SCML4: variants seen among roughly 807,000 people sequenced by gnomAD.
SCML4 encodes the protein Scm polycomb group protein like 4, also known as sex comb on midleg-like protein 4.
Under a neutral mutation model 41.1 loss-of-function variants are expected in SCML4, and 34 were observed. The observed-to-expected ratio is 0.83, with a 90% CI of 0.63 to 1.10. The LOEUF is 1.10. Ranked by LOEUF, SCML4 falls within the 50% of genes least tolerant of loss-of-function variation. The pLI is 0.00. For missense variants in SCML4, 522 were observed against 534.1 expected, an observed-to-expected ratio of 0.98 and a Z score of 0.22; for synonymous variants, 214 against 220.9, an observed-to-expected ratio of 0.97 and a Z score of 0.28.
At chr6:107,732,237 G>A (rs1776636048) in intron 5 of SCML4, 1 of 152,216 alleles carries the variant, frequency 6.6e-6, no homozygotes, top group South Asian at 2.1e-4. Flanking sequence ...TTCCCTTAGG[G>A]CCCTCTGTGG....
At chr6:107,774,023 T>C (rs1277105243) in intron 1 of SCML4, among the ~76,000 whole-genome samples, 1 of 152,268 alleles carries the variant, frequency 6.6e-6, no homozygotes, top group Non-Finnish European at 1.5e-5. Flanking sequence ...ATTTTCTGAA[T>C]ATGAGCAGTA....
intron 1 of SCML4, among the ~76,000 whole-genome samples, chr6:107,792,015 A>C (rs1782368291): frequency 6.6e-6 from 1 of 152,236 alleles, no homozygotes; most frequent in Non-Finnish European, 1.5e-5. Context: ...AACTAGATTT[A>C]CTTTGGGGGA....
At chr6:107,806,186 T>TCCCCC in intron 1 of SCML4, among the ~76,000 whole-genome samples, 1 of 28,986 alleles carries the variant, frequency 3.4e-5, no homozygotes, top group African/African-American at 4.6e-5. Flanking sequence ...AACAGAGATT[T>TCCCCC]CCCCCCCCCC....
chr6:107,719,269 C>T (rs373577067), intron 6 of SCML4: 62 of 152,542 alleles, frequency 4.1e-4, no homozygotes, highest in South Asian at 1.7e-3. Context: ...CCCCTCAGAA[C>T]GCCTCTCCGG....
At chr6:107,831,478 C>A in the SCML4 span, among the ~76,000 whole-genome samples, 2 of 147,344 alleles carry the variant, frequency 1.4e-5, no homozygotes, top group Non-Finnish European at 3.0e-5. Context: ...ATCAGTTCAT[C>A]TTAAGGACAG....
chr6:107,827,354 A>AT (rs1364920750), upstream of SCML4, among the ~76,000 whole-genome samples: 1 of 146,804 alleles, frequency 6.8e-6, no homozygotes, highest in African/African-American at 2.5e-5. Context: ...TTTTACTTAA[A>AT]TTTTTTTATT....
chr6:107,716,026 C>T (rs1774753269), intron 6 of SCML4, among the ~76,000 whole-genome samples: 1 of 152,140 alleles, frequency 6.6e-6, no homozygotes, highest in South Asian at 2.1e-4. Context: ...CCACAGCAGG[C>T]ACTAGGCTGA....
chr6:107,766,766 C>G (rs888870172), intron 2 of SCML4, among the ~76,000 whole-genome samples: 1 of 152,176 alleles, frequency 6.6e-6, no homozygotes, highest in Admixed American at 6.5e-5. Context: ...GGGATACAGT[C>G]CCTACCCTAG....
At chr6:107,780,308 T>A (rs1324387094) in intron 1 of SCML4, among the ~76,000 whole-genome samples, 4 of 152,246 alleles carry the variant, frequency 2.6e-5, no homozygotes, top group Non-Finnish European at 4.4e-5. Context: ...ACACATTTTT[T>A]TCCAATTCTG....
At position 107,772,235 on chromosome 6, in the gene SCML4, A is replaced by G. The variant is rs1780581089; in HGVS notation, c.93T>C (p.Ala31=). 1 of 1,551,570 alleles carries G rather than the reference A, an allele frequency of 6.4e-7. No homozygotes were observed. Among genetic ancestry groups the G allele is most frequent in the African/African-American group, 1.4e-5 (1 of 73,050 alleles). The part of the protein sequence containing the change: ...MKMAVHNLYS[A]SAGSLPAVKI... The stretch of plus-strand genomic sequence containing the variant: ...TCACTGCTGGTAAAGAGCCAGCTGA[A>G]GCAGAATAAAGGTTATGAACTGCCA... The change falls in exon 2 of 8, where the codon GCT becomes GCC. Residue 31 remains alanine, a synonymous_variant. Coordinates refer to ENST00000369020, the MANE Select transcript of SCML4 (RefSeq NM_198081.5).
chr6:107,824,287 G>C lies in SCML4; in HGVS notation c.-221C>G, dbSNP rs1446928137. Reference sequence around the variant, plus strand: ...TAGTCTCCAGCAGCCCTGCGCTCCAGCTGCAAACATCTCATTAGACTAATG... The same window carrying C: ...TAGTCTCCAGCAGCCCTGCGCTCCACCTGCAAACATCTCATTAGACTAATG... On this transcript the variant is annotated 5_prime_UTR_variant, in exon 1 of 8. Coordinates refer to ENST00000369020, the MANE Select transcript of SCML4 (RefSeq NM_198081.5). 6.6e-6 allele frequency: 1 copy of C among 152,190 alleles called. No homozygotes were observed. Among genetic ancestry groups the C allele is most frequent in the Non-Finnish European group, 1.5e-5 (1 of 68,048 alleles). 9.4% of individuals were successfully genotyped at this position (152,190 alleles called of 1,614,324 possible). A position where few individuals can be genotyped will look rare whatever the true frequency, so the allele number is the denominator to read the frequency against.
intron 6 of SCML4, among the ~76,000 whole-genome samples, chr6:107,712,366 C>T (rs530512641): frequency 6.6e-6 from 1 of 152,270 alleles, no homozygotes; most frequent in South Asian, 2.1e-4. Context: ...AACCTAGAGT[C>T]CTTTGAGCTA....
chr6:107,733,755 G>C (rs570227116), intron 5 of SCML4, among the ~76,000 whole-genome samples: 2 of 152,192 alleles, frequency 1.3e-5, no homozygotes, highest in East Asian at 1.9e-4. Flanking sequence ...TGCTTCCACT[G>C]TTCTGAGGTA....
chr6:107,788,604 G>A (rs1041198745), intron 1 of SCML4, among the ~76,000 whole-genome samples: 5 of 152,138 alleles, frequency 3.3e-5, no homozygotes, highest in Non-Finnish European at 5.9e-5. Context: ...AGAGCATCAC[G>A]TTAGTCTTGT....
chr6:107,741,963 A>C (rs1777632897), intron 5 of SCML4, among the ~76,000 whole-genome samples: 1 of 152,234 alleles, frequency 6.6e-6, no homozygotes, highest in African/African-American at 2.4e-5. Context: ...CCCTAATAAG[A>C]TGGTAACACG....
intron 4 of SCML4, chr6:107,746,026 A>AAAT (rs1401170976): frequency 4.8e-4 from 71 of 148,940 alleles, no homozygotes; most frequent in African/African-American, 1.7e-3. Flanking sequence ...ATAAATAAAT[A>AAAT]AAAGAATGGA....
At chr6:107,825,389 G>A (rs900291415), upstream of SCML4, among the ~76,000 whole-genome samples, 1 of 152,184 alleles carries the variant, frequency 6.6e-6, no homozygotes, top group Non-Finnish European at 1.5e-5. Context: ...GACAACTTGA[G>A]GTTTCTCTAA....
chr6:107,840,187 T>C, the SCML4 span, among the ~76,000 whole-genome samples: 1 of 151,074 alleles, frequency 6.6e-6, no homozygotes, highest in South Asian at 2.1e-4. Context: ...TAAATGTTTG[T>C]GAAATGGTAA....
chr6:107,744,839 C>T, intron 5 of SCML4, 110 bp downstream of exon 5: 1 of 910,900 alleles, frequency 1.1e-6, no homozygotes, highest in Non-Finnish European at 1.7e-6. Flanking sequence ...CCATGGGGCT[C>T]CAGTGGCAGA....
Sources: allele counts gnomAD v4.1 joint callset (sites outside exome capture counted in the v4.1 genomes callset), GRCh38; gene constraint gnomAD v4.1.1; transcripts MANE v1.5; gene names NCBI Gene and HGNC (gene_info 2026-07-23, HGNC 2026-07-21).